The following GRK5 variants were observed in gnomAD, a reference collection of about 807,000 sequenced individuals.
GRK5 encodes the protein g protein-coupled receptor kinase GRK5.
A neutral mutation model predicts 78.4 loss-of-function variants in GRK5; 40 were observed. The observed-to-expected ratio is 0.51, with a 90% confidence interval of 0.40 to 0.66. The LOEUF is 0.66. GRK5 is among the 30% of genes least tolerant of loss of function. The pLI is 0.00. For missense variants in GRK5, 598 were observed against 759.9 expected, an observed-to-expected ratio of 0.79 and a Z score of 2.50; for synonymous variants, 289 against 296.8, an observed-to-expected ratio of 0.97 and a Z score of 0.27.
chr10:119,268,600 T>C (rs926087913), intron 1 of GRK5, among the ~76,000 whole-genome samples: 6 of 152,222 alleles, frequency 3.9e-5, no homozygotes, highest in Admixed American at 3.9e-4. Flanking sequence ...AGCCTCTGTG[T>C]TTTCATCTGT....
In GRK5 at chr10:119,270,559, G is replaced by A. The variant is rs1227426778; in HGVS notation, c.53-55957G>A. Among the ~76,000 whole-genome samples, 4 of 152,200 alleles carry A rather than the reference G, an allele frequency of 2.6e-5. No individual in the cohort carries two copies. The East Asian group carries it at 7.7e-4, about 29-fold the overall frequency. Reference sequence around the variant, plus strand: ...CCATGGACTTTGCCATCTGAGGGGGGCACCAGAACCAATCCCCTAAGAAAC... The same window carrying A: ...CCATGGACTTTGCCATCTGAGGGGGACACCAGAACCAATCCCCTAAGAAAC... On this transcript the variant is annotated intron_variant, in intron 1 of 15. Coordinates refer to ENST00000392870, the MANE Select transcript of GRK5 (RefSeq NM_005308.3).
intron 13 of GRK5, 125 bp downstream of exon 13, chr10:119,448,385 T>G: frequency 9.4e-7 from 1 of 1,068,142 alleles, no homozygotes; most frequent in Non-Finnish European, 1.3e-6. Flanking sequence ...GGGACCAGGG[T>G]CCCCTCCCGG....
intron 5 of GRK5, 90 bp from the exon 6 acceptor site, chr10:119,424,903 A>T: frequency 3.4e-6 from 3 of 881,554 alleles, no homozygotes; most frequent in Non-Finnish European, 3.9e-6. Flanking sequence ...GGCCCTGTTT[A>T]CTTGCATTTC....
chr10:119,358,362 C>G lies in GRK5; in HGVS notation c.149-22453C>G, dbSNP rs538057484. Among the ~76,000 whole-genome samples the G allele has an allele frequency of 1.3e-4, 20 of 152,332 alleles. No homozygotes were observed. The South Asian group carries it at 4.1e-3, about 32-fold the overall frequency. ...AAATGCTCTGCAAATAGTAGCTGCTCTGACCATGTGATTTGACTGGCATTG... is the reference window on the plus strand; with the variant it reads ...AAATGCTCTGCAAATAGTAGCTGCTGTGACCATGTGATTTGACTGGCATTG... On this transcript the variant is annotated intron_variant, in intron 2 of 15. Coordinates refer to ENST00000392870, the MANE Select transcript of GRK5 (RefSeq NM_005308.3).
intron 4 of GRK5, among the ~76,000 whole-genome samples, chr10:119,418,678 A>G (rs988258960): frequency 6.6e-6 from 1 of 152,120 alleles, no homozygotes; most frequent in African/African-American, 2.4e-5. Context: ...CAAGCAGAGA[A>G]ACTCCCCTGC....
At chr10:119,265,429 G>A (rs952966639) in intron 1 of GRK5, among the ~76,000 whole-genome samples, 1 of 152,132 alleles carries the variant, frequency 6.6e-6, no homozygotes, top group Non-Finnish European at 1.5e-5. Context: ...TGGGAGGTGA[G>A]TCGGTTAAGA....
At chr10:119,291,452 C>T (rs180873531) in intron 1 of GRK5, among the ~76,000 whole-genome samples, 37 of 152,178 alleles carry the variant, frequency 2.4e-4, no homozygotes, top group Non-Finnish European at 4.7e-4. Flanking sequence ...ACGGCTGCCT[C>T]GGGCGCTGGT....
At chr10:119,365,888 A>G (rs572546211) in intron 2 of GRK5, among the ~76,000 whole-genome samples, 1 of 152,360 alleles carries the variant, frequency 6.6e-6, no homozygotes, top group East Asian at 1.9e-4. Flanking sequence ...ATTTGGAAAC[A>G]AGTATGTTAT....
rs532512423 is a variant in GRK5, at chr10:119,457,406, C to G, written c.*2339C>G. On this transcript the variant is annotated 3_prime_UTR_variant, in exon 16 of 16. Coordinates refer to ENST00000392870, the MANE Select transcript of GRK5 (RefSeq NM_005308.3). ...GCCGTGTTTCTAGGTCATGAGAGCT[C>G]TGGCGATACTACCACAAGGCCTGCA... 72 of 152,298 alleles carry G rather than the reference C, an allele frequency of 4.7e-4. No individual in the cohort carries two copies. Among genetic ancestry groups the G allele is most frequent in the African/African-American group, 1.6e-3 (67 of 41,554 alleles). The allele number at this position is 152,298 out of a possible 1,614,324, so 9.4% of individuals were successfully genotyped here. A position where few individuals can be genotyped will look rare whatever the true frequency, so the allele number is the denominator to read the frequency against.
intron 2 of GRK5, among the ~76,000 whole-genome samples, chr10:119,362,132 G>A (rs917022132): frequency 1.3e-5 from 2 of 152,192 alleles, no homozygotes; most frequent in Non-Finnish European, 2.9e-5. Flanking sequence ...TTAGGAAGCC[G>A]GTAGTAACCC....
chr10:119,308,118 C>A (rs1416783846), intron 1 of GRK5, among the ~76,000 whole-genome samples: 1 of 152,130 alleles, frequency 6.6e-6, no homozygotes, highest in Non-Finnish European at 1.5e-5. Flanking sequence ...GTAGGCCGAA[C>A]CTGCAGGGTC....
intron 2 of GRK5, among the ~76,000 whole-genome samples, chr10:119,326,816 T>C (rs1850688224): frequency 6.6e-6 from 1 of 152,248 alleles, no homozygotes; most frequent in Admixed American, 6.5e-5. Flanking sequence ...CCAGTATTCA[T>C]TGAATATATG....
intron 2 of GRK5, among the ~76,000 whole-genome samples, chr10:119,352,599 C>T (rs527461044): frequency 7.7e-6 from 1 of 129,856 alleles, no homozygotes; most frequent in African/African-American, 2.6e-5. Context: ...GGAGTGGCCC[C>T]AATAAGCTCC....
At chr10:119,221,244 A>C (rs767259909) in intron 1 of GRK5, among the ~76,000 whole-genome samples, 3 of 152,166 alleles carry the variant, frequency 2.0e-5, no homozygotes, top group Admixed American at 1.3e-4. Flanking sequence ...ACTCAGAAAT[A>C]ATTAGCGTCA....
chr10:119,286,060 T>G (rs2133695787), intron 1 of GRK5, among the ~76,000 whole-genome samples: 1 of 151,614 alleles, frequency 6.6e-6, no homozygotes, highest in South Asian at 2.1e-4. Flanking sequence ...TACTTTCATT[T>G]TTATTAACCC....
At chr10:119,415,081 C>CAAAAAAAAAAAAAAAAA (rs762165768) in intron 4 of GRK5, among the ~76,000 whole-genome samples, 1 of 75,724 alleles carries the variant, frequency 1.3e-5, no homozygotes, top group African/African-American at 4.8e-5. Flanking sequence ...GACTCTGTCT[C>CAAAAAAAAAAAAAAAAA]AAAAAAAAAA....
At chr10:119,317,350 GT>G (rs1405758176) in intron 1 of GRK5, among the ~76,000 whole-genome samples, 89 of 1,526 alleles carry the variant, frequency 0.058, no homozygotes, top group East Asian at 0.12. Context: ...GTAGATGGGT[GT>G]GTGTGTGTGT....
At position 119,458,345 on chromosome 10, in the gene GRK5, C is replaced by T. The variant is rs577457217; in HGVS notation, c.*3278C>T. 6.6e-6 allele frequency: 1 copy of T among 152,204 alleles called. No homozygotes were observed. The allele number at this position is 152,204 out of a possible 1,614,324, so 9.4% of individuals were successfully genotyped here. A position where few individuals can be genotyped will look rare whatever the true frequency, so the allele number is the denominator to read the frequency against. On this transcript the variant is annotated 3_prime_UTR_variant, in exon 16 of 16. Coordinates refer to ENST00000392870, the MANE Select transcript of GRK5 (RefSeq NM_005308.3). ...CCCCTGGGGGGCACCCAGAATACCA[C>T]CCAAAATAGCAAGAAGACCCGGTCC...
intron 2 of GRK5, among the ~76,000 whole-genome samples, chr10:119,369,218 G>A (rs1214039286): frequency 6.6e-6 from 1 of 152,174 alleles, no homozygotes; most frequent in Non-Finnish European, 1.5e-5. Context: ...AAAACTGCAT[G>A]TATCTGGATG....
Sources: gnomAD v4.1 joint callset for allele counts (sites outside exome capture counted in the v4.1 genomes callset) on GRCh38, gnomAD v4.1.1 for gene constraint, MANE v1.5 for transcripts, NCBI Gene and HGNC (gene_info 2026-07-23, HGNC 2026-07-21) for gene names.